Variants in IARS1 observed in about 807,000 individuals in gnomAD.
IARS1 encodes the protein isoleucyl-tRNA synthetase 1, also known as isoleucine--tRNA ligase, cytoplasmic.
Under a neutral mutation model 168.2 loss-of-function variants are expected in IARS1, and 124 were observed. The observed-to-expected ratio is 0.74, with a 90% CI of 0.64 to 0.86. IARS1 has a LOEUF of 0.86. Ranked by LOEUF, IARS1 falls within the 40% of genes least tolerant of loss-of-function variation. IARS1 has a pLI of 0.00. For missense variants in IARS1, 1,452 were observed against 1,515.8 expected (o/e 0.96, Z 0.70); for synonymous variants, 532 against 529.4 (o/e 1.00, Z -0.07).
intron 6 of IARS1, among the ~76,000 whole-genome samples, chr9:92,284,706 T>C (rs1486801443): frequency 6.6e-6 from 1 of 151,090 alleles, no homozygotes; most frequent in African/African-American, 2.4e-5. Context: ...TAGGTGGAGG[T>C]TGCAGGGAGC....
At chr9:92,252,435 T>C (rs200271944) in intron 21 of IARS1, 2 of 508,768 alleles carry the variant, frequency 3.9e-6, no homozygotes, top group East Asian at 5.5e-5. Context: ...AAAAATGAAA[T>C]TACAGTTGTG....
chr9:92,250,150 G>A (rs746149052), intron 24 of IARS1, 37 bp downstream of exon 24: 1 of 1,276,304 alleles, frequency 7.8e-7, no homozygotes, highest in African/African-American at 1.5e-5. Flanking sequence ...AATTAATTTA[G>A]GTCTGTGCCA....
chr9:92,248,072 G>C (rs901021359), intron 25 of IARS1, among the ~76,000 whole-genome samples: 1 of 152,194 alleles, frequency 6.6e-6, no homozygotes, highest in African/African-American at 2.4e-5. Context: ...GATCTATCAA[G>C]ACAGTTGAGC....
At chr9:92,287,198 A>C (rs963479131) in intron 4 of IARS1, among the ~76,000 whole-genome samples, 6 of 152,230 alleles carry the variant, frequency 3.9e-5, no homozygotes, top group Non-Finnish European at 8.8e-5. Flanking sequence ...ACACATTGAG[A>C]GACATTATAG....
intron 33 of IARS1, among the ~76,000 whole-genome samples, chr9:92,211,522 G>T (rs1216702635): frequency 1.3e-5 from 2 of 152,148 alleles, no homozygotes; most frequent in African/African-American, 4.8e-5. Flanking sequence ...CAGTGATGGG[G>T]GTCTTGTGTG....
intron 6 of IARS1, among the ~76,000 whole-genome samples, chr9:92,284,259 G>A (rs1211329670): frequency 6.6e-6 from 1 of 152,204 alleles, no homozygotes; most frequent in Non-Finnish European, 1.5e-5. Context: ...AATGTTTAAA[G>A]AAGATAAAGA....
At chr9:92,246,872 T>A (rs1007981444) in intron 26 of IARS1, among the ~76,000 whole-genome samples, 1 of 152,216 alleles carries the variant, frequency 6.6e-6, no homozygotes, top group African/African-American at 2.4e-5. Context: ...AATAAACATT[T>A]TTATCAACAG....
chr9:92,288,083 T>A lies in IARS1; in HGVS notation c.276+43A>T, dbSNP rs1564190321. ...ATTATATGACAAAATCTAATGCTTA[T>A]AAAAAAAATCAGAAAATTATAAAGC... is the stretch of plus-strand genomic sequence containing the variant. On this transcript the variant is annotated intron_variant, in intron 3 of 33. Coordinates refer to ENST00000443024, the MANE Select transcript of IARS1 (RefSeq NM_002161.6). 1.9e-6 allele frequency: 3 copies of A among 1,581,308 alleles called. No homozygotes were observed. The East Asian group carries it at 6.7e-5, about 35-fold the overall frequency.
chr9:92,250,334 G>C, intron 23 of IARS1, 45 bp from the exon 24 acceptor site: 1 of 1,253,254 alleles, frequency 8.0e-7, no homozygotes, highest in Non-Finnish European at 1.2e-6. Context: ...GATTTAAGAG[G>C]AGAAAATTGA....
At chr9:92,269,659 A>T (rs974150990) in intron 13 of IARS1, among the ~76,000 whole-genome samples, 1 of 152,240 alleles carries the variant, frequency 6.6e-6, no homozygotes, top group Non-Finnish European at 1.5e-5. Context: ...CAATGAGTTT[A>T]AAAAGAAAAA....
intron 1 of IARS1, 173 bp downstream of exon 1, chr9:92,293,438 T>C (rs1344802122): frequency 3.8e-6 from 2 of 532,796 alleles, no homozygotes; most frequent in South Asian, 1.4e-5. Context: ...TTTCAAACAC[T>C]ACCTCATTCA....
intron 30 of IARS1, among the ~76,000 whole-genome samples, chr9:92,239,421 C>A (rs1055072433): frequency 3.9e-5 from 6 of 152,166 alleles, no homozygotes; most frequent in African/African-American, 1.4e-4. Context: ...ATCATTTGTT[C>A]TTCCCCTGTA....
chr9:92,278,069 T>C (rs1398569259), intron 8 of IARS1, 130 bp downstream of exon 8: 4 of 1,021,346 alleles, frequency 3.9e-6, no homozygotes, highest in African/African-American at 3.2e-5. Context: ...GTACTTAGTA[T>C]AGTATTAGTA....
chr9:92,274,405 T>G (rs1242638054), intron 10 of IARS1, 21 bp downstream of exon 10: 1 of 1,585,284 alleles, frequency 6.3e-7, no homozygotes, highest in Non-Finnish European at 8.7e-7. Context: ...CAAATACATT[T>G]GCCAGACTTA....
chr9:92,227,784 C>T (rs1241054137), intron 31 of IARS1, among the ~76,000 whole-genome samples: 10 of 150,760 alleles, frequency 6.6e-5, no homozygotes, highest in Non-Finnish European at 1.2e-4. Flanking sequence ...GGATGGCGGC[C>T]GGGAAGAGGC....
At chr9:92,247,320 A>G in intron 26 of IARS1, 57 bp downstream of exon 26, 1 of 1,519,956 alleles carries the variant, frequency 6.6e-7, no homozygotes, top group East Asian at 2.3e-5. Flanking sequence ...CAGTAGCCTA[A>G]AAAGTATCCC....
At chr9:92,272,780 G>A (rs1256608139) in intron 10 of IARS1, among the ~76,000 whole-genome samples, 1 of 151,562 alleles carries the variant, frequency 6.6e-6, no homozygotes, top group Non-Finnish European at 1.5e-5. Context: ...GAACCTGGGA[G>A]GCAGAGGTTG....
chr9:92,250,258 C>T lies in IARS1; in HGVS notation c.2461G>A (p.Ala821Thr). The T allele has an allele frequency of 1.9e-6, 3 of 1,610,778 alleles. No individual in the cohort carries two copies. The highest frequency in any genetic ancestry group is 2.5e-6 in the Non-Finnish European group (3 of 1,176,966). Reference sequence around the variant, plus strand: ...ATCACAGACTGCATCTGAGATACTGCACTCTCTGTTTTCTTGTCAATCAAT... The same window carrying T: ...ATCACAGACTGCATCTGAGATACTGTACTCTCTGTTTTCTTGTCAATCAAT... Reference protein sequence around the residue: ...EELIDKKTESAVSQMQSVIEL... With the variant: ...EELIDKKTESTVSQMQSVIEL... The change falls in exon 24 of 34, where the codon GCA (alanine) becomes ACA (threonine). Residue 821 changes from alanine (A) to threonine (T), a missense_variant. By Grantham distance (58) the Ala-to-Thr change is moderately conservative. Transcript: ENST00000443024.
chr9:92,240,880 T>C lies in IARS1; in HGVS notation c.3259A>G (p.Ile1087Val). The C allele has an allele frequency of 6.2e-7, 1 of 1,611,930 alleles. No individual in the cohort carries two copies. The highest frequency in any genetic ancestry group is 1.1e-5 in the South Asian group (1 of 91,022). ...GPACAYVNLN[I>V]CANGSEQGGV... is the part of the protein sequence containing the mutation. ...CCTTGTTCACTGCCATTTGCACAAA[T>C]GTTAAGATTGACATATGCACAAGCA... The change falls in exon 30 of 34, where the codon ATT becomes GTT. Residue 1087 changes from isoleucine (I) to valine (V), a missense_variant. Physicochemically the swap from Ile to Val is conservative, Grantham distance 29. Coordinates refer to ENST00000443024, the MANE Select transcript of IARS1 (RefSeq NM_002161.6).
Sources: gnomAD v4.1 joint callset for allele counts (sites outside exome capture counted in the v4.1 genomes callset) on GRCh38, gnomAD v4.1.1 for gene constraint, MANE v1.5 for transcripts, NCBI Gene and HGNC (gene_info 2026-07-23, HGNC 2026-07-21) for gene names.